ST8SIA2: variants seen among roughly 807,000 people sequenced by gnomAD.
ST8SIA2 encodes the protein alpha-2,8-sialyltransferase 8B.
Under a neutral mutation model 37.6 loss-of-function variants are expected in ST8SIA2, and 22 were observed. That is an observed-to-expected ratio of 0.58 (90% CI 0.42 to 0.83). The LOEUF (loss-of-function observed/expected upper bound fraction) is 0.83. Ranked by LOEUF, ST8SIA2 falls within the 40% of genes least tolerant of loss-of-function variation. ST8SIA2 has a pLI of 0.00. For missense variants in ST8SIA2, 382 were observed against 484.7 expected (o/e 0.79, Z 1.99); for synonymous variants, 205 against 201.2 (o/e 1.02, Z -0.16).
chr15:92,428,446 T>C (rs935568209), intron 1 of ST8SIA2, among the ~76,000 whole-genome samples: 1 of 152,324 alleles, frequency 6.6e-6, no homozygotes, highest in African/African-American at 2.4e-5. Flanking sequence ...CTTGACTTAA[T>C]GTCTGGCCAA....
rs1426137979 is a variant in ST8SIA2 at position 92,465,520 on chromosome 15, G to A, written c.*1135G>A. On this transcript the variant is annotated 3_prime_UTR_variant, in exon 6 of 6. Transcript: ENST00000268164. Reference sequence around the variant, plus strand: ...ATGTCCCTGCAACCACTCTCTGTTTGCCTTCTGCATTCTGCACTCTGCGGG... The same window carrying A: ...ATGTCCCTGCAACCACTCTCTGTTTACCTTCTGCATTCTGCACTCTGCGGG... 6.6e-6 allele frequency: 1 copy of A among 152,216 alleles called. No homozygotes were observed. The highest frequency in any genetic ancestry group is 2.4e-5 in the African/African-American group (1 of 41,438). The allele number at this position is 152,216 out of a possible 1,614,324, so 9.4% of individuals were successfully genotyped here. A position where few individuals can be genotyped will look rare whatever the true frequency, so the allele number is the denominator to read the frequency against.
At chr15:92,438,769 C>T (rs867234811) in intron 4 of ST8SIA2, among the ~76,000 whole-genome samples, 159 bp downstream of exon 4, 1 of 152,166 alleles carries the variant, frequency 6.6e-6, no homozygotes, top group Non-Finnish European at 1.5e-5. Flanking sequence ...TGGGGAGCTT[C>T]GCCTCCAATG....
intron 1 of ST8SIA2, among the ~76,000 whole-genome samples, chr15:92,399,471 A>C (rs942663293): frequency 3.9e-5 from 6 of 152,236 alleles, no homozygotes; most frequent in Non-Finnish European, 8.8e-5. Flanking sequence ...AACTACTGCC[A>C]ACAGCCAAGA....
intron 1 of ST8SIA2, among the ~76,000 whole-genome samples, chr15:92,427,091 A>T (rs2049681916): frequency 6.6e-6 from 1 of 152,178 alleles, no homozygotes; most frequent in Non-Finnish European, 1.5e-5. Context: ...GCGAGACTCC[A>T]TCTCAAAGAG....
intron 4 of ST8SIA2, among the ~76,000 whole-genome samples, chr15:92,441,108 TC>T (rs1293280161): frequency 6.6e-6 from 1 of 152,192 alleles, no homozygotes; most frequent in Non-Finnish European, 1.5e-5. Context: ...ATCCAAGTCT[TC>T]AATCCATTCA....
intron 1 of ST8SIA2, among the ~76,000 whole-genome samples, chr15:92,420,055 C>A (rs3848154): frequency 6.6e-6 from 1 of 151,868 alleles, no homozygotes; most frequent in African/African-American, 2.4e-5. Context: ...TGATTAGAGA[C>A]GGGGTTTCAC....
chr15:92,439,671 A>G (rs2049786940), intron 4 of ST8SIA2, among the ~76,000 whole-genome samples: 1 of 152,094 alleles, frequency 6.6e-6, no homozygotes, highest in Non-Finnish European at 1.5e-5. Flanking sequence ...TTGAAACGCT[A>G]CCACAGCCTG....
In ST8SIA2 at chr15:92,465,341, T is replaced by C. The variant is rs2049984638; in HGVS notation, c.*956T>C. The stretch of plus-strand genomic sequence containing the variant: ...GTTAGAATGTCACGAGGGACTGTAC[T>C]GTCCCCTCTGTCACCAGGGAAGCCA... On this transcript the variant is annotated 3_prime_UTR_variant, in exon 6 of 6. Coordinates refer to ENST00000268164, the MANE Select transcript of ST8SIA2 (RefSeq NM_006011.4). 6.6e-6 allele frequency: 1 copy of C among 152,234 alleles called. No homozygotes were observed. Among genetic ancestry groups the C allele is most frequent in the Non-Finnish European group, 1.5e-5 (1 of 68,042 alleles). 9.4% of individuals were successfully genotyped at this position (152,234 alleles called of 1,614,324 possible).
intron 1 of ST8SIA2, among the ~76,000 whole-genome samples, chr15:92,394,682 C>G (rs1226952863): frequency 6.6e-6 from 1 of 152,128 alleles, no homozygotes; most frequent in Non-Finnish European, 1.5e-5. Flanking sequence ...CGGAATGTCC[C>G]CTGCACACAC....
At chr15:92,436,378 T>A (rs1250447231) in intron 3 of ST8SIA2, among the ~76,000 whole-genome samples, 1 of 152,128 alleles carries the variant, frequency 6.6e-6, no homozygotes, top group Non-Finnish European at 1.5e-5. Flanking sequence ...GTGTCCTTCA[T>A]AAAGACCCTG....
chr15:92,464,063 GTTTCT>G, intron 5 of ST8SIA2, 32 bp from the exon 6 acceptor site: 2 of 1,439,948 alleles, frequency 1.4e-6, no homozygotes, highest in Non-Finnish European at 1.8e-6. Context: ...ACAGACCCAT[GTTTCT>G]TTTCTTTTTT....
rs183312082 is a variant in ST8SIA2 at position 92,429,358 on chromosome 15, A to G, written c.99-691A>G. On this transcript the variant is annotated intron_variant, in intron 1 of 5. Coordinates refer to ENST00000268164, the MANE Select transcript of ST8SIA2 (RefSeq NM_006011.4). ...GGATGAAACCGTGTGGCCAGACAGA[A>G]TGGGATTTGGCAGAACCGAATAGAG... Among the ~76,000 whole-genome samples the G allele has an allele frequency of 1.6e-3, 239 of 152,286 alleles. 1 individual carries two copies. Among genetic ancestry groups the G allele is most frequent in the Middle Eastern group, 0.01 (3 of 294 alleles).
intron 1 of ST8SIA2, among the ~76,000 whole-genome samples, chr15:92,426,039 G>A (rs2049673370): frequency 2.0e-5 from 3 of 152,140 alleles, no homozygotes; most frequent in Admixed American, 6.5e-5. Flanking sequence ...GCCCCCTCGA[G>A]GACTTACACT....
chr15:92,400,819 G>A (rs368928319), intron 1 of ST8SIA2, among the ~76,000 whole-genome samples: 20 of 152,162 alleles, frequency 1.3e-4, no homozygotes, highest in Non-Finnish European at 2.1e-4. Flanking sequence ...CCATAGTGGC[G>A]TTGAGAGCAG....
At chr15:92,406,651 C>G (rs961583672) in intron 1 of ST8SIA2, among the ~76,000 whole-genome samples, 1 of 152,134 alleles carries the variant, frequency 6.6e-6, no homozygotes, top group Admixed American at 6.5e-5. Flanking sequence ...GCTCCACTGC[C>G]CATCACAGAG....
chr15:92,443,505 C>G (rs1395763849), intron 4 of ST8SIA2, among the ~76,000 whole-genome samples: 1 of 152,186 alleles, frequency 6.6e-6, no homozygotes, highest in Non-Finnish European at 1.5e-5. Context: ...ATCCATACTG[C>G]AACTTCATCT....
chr15:92,442,350 T>C (rs7168870), intron 4 of ST8SIA2, among the ~76,000 whole-genome samples: 5,618 of 152,228 alleles, frequency 0.037, 347 homozygotes, highest in African/African-American at 0.13. Context: ...CCTGTTCCCA[T>C]TACCCACAGC....
chr15:92,431,578 A>G (rs1290105473), intron 2 of ST8SIA2, among the ~76,000 whole-genome samples: 3 of 152,308 alleles, frequency 2.0e-5, no homozygotes, highest in African/African-American at 7.2e-5. Context: ...AGGTGAAGCA[A>G]CTTAAGCCTG....
intron 5 of ST8SIA2, among the ~76,000 whole-genome samples, chr15:92,463,400 A>T (rs981177221): frequency 6.6e-6 from 1 of 152,178 alleles, no homozygotes; most frequent in Non-Finnish European, 1.5e-5. Flanking sequence ...CCCCCAGGGT[A>T]GTCACCCTTG....
Sources: gnomAD v4.1 joint callset for allele counts (sites outside exome capture counted in the v4.1 genomes callset) on GRCh38, gnomAD v4.1.1 for gene constraint, MANE v1.5 for transcripts, NCBI Gene and HGNC (gene_info 2026-07-23, HGNC 2026-07-21) for gene names.